The following SPINK8 variants were observed in gnomAD, a reference collection of about 807,000 sequenced individuals.
The protein encoded by SPINK8 is serine peptidase inhibitor Kazal type 8 (putative), also known as serine protease inhibitor Kazal-type 8.
A neutral mutation model predicts 14.4 loss-of-function variants in SPINK8; 12 were observed. The ratio of observed to expected loss-of-function variants is 0.83; its 90% CI spans 0.53 to 1.35. The LOEUF (loss-of-function observed/expected upper bound fraction) is 1.35. Among genes scored for constraint, SPINK8 ranks in the 40% most tolerant of loss-of-function variants. The pLI is 0.00. For synonymous variants in SPINK8, 32 were observed against 37.6 expected (o/e 0.85, Z 0.55); for missense variants, 103 against 117.0 (o/e 0.88, Z 0.55).
intron 5 of SPINK8, among the ~76,000 whole-genome samples, chr3:48,320,437 A>AGG (rs2036056672): frequency 1.3e-5 from 2 of 150,602 alleles, no homozygotes; most frequent in African/African-American, 4.9e-5. Context: ...AGTCCAAGCT[A>AGG]CTCGGGAGGC....
At chr3:48,328,162 T>G in intron 4 of SPINK8, 113 bp downstream of exon 4, 84 of 769,800 alleles carry the variant, frequency 1.1e-4, no homozygotes, top group Non-Finnish European at 1.5e-4. Flanking sequence ...ATTTGTAACA[T>G]GAGAAATTAG....
intron 2 of SPINK8, among the ~76,000 whole-genome samples, chr3:48,330,792 T>C (rs9825637): frequency 0.24 from 33,395 of 141,438 alleles, 4,635 homozygotes; most frequent in Non-Finnish European, 0.26. Flanking sequence ...GTTCACCTTC[T>C]CTAGCTAGGC....
rs758106633 is a variant in SPINK8 at position 48,306,990 on chromosome 3, G to A, written c.*2C>T. 7.4e-6 allele frequency: 12 copies of A among 1,613,190 alleles called. No individual in the cohort carries two copies. Among genetic ancestry groups the A allele is most frequent in the African/African-American group, 2.7e-5 (2 of 75,034 alleles). On this transcript the variant is annotated 3_prime_UTR_variant, in exon 8 of 8. Transcript: ENST00000434006. Reference sequence around the variant, plus strand: ...TAGGTTTTATAATTCTTTGTCGTACGTTCAAGAGTTTTCCTGCAAGAGAAG... The same window carrying A: ...TAGGTTTTATAATTCTTTGTCGTACATTCAAGAGTTTTCCTGCAAGAGAAG...
At chr3:48,326,751 AT>A (rs2036147271) in intron 4 of SPINK8, among the ~76,000 whole-genome samples, 1 of 152,112 alleles carries the variant, frequency 6.6e-6, no homozygotes, top group Admixed American at 6.6e-5. Flanking sequence ...TCTACTAAAA[AT>A]AAAAAAAATT....
chr3:48,319,505 G>A lies in SPINK8; in HGVS notation c.231C>T (p.Ser77=). The A allele has an allele frequency of 1.9e-6, 3 of 1,613,914 alleles. No individual in the cohort carries two copies. Among genetic ancestry groups the A allele is most frequent in the Non-Finnish European group, 2.5e-6 (3 of 1,179,840 alleles). ...ACAAAATTAGGACTTACAGAATTTT[G>A]GAGCACAGATGGCAGTCACTACTGT... is the stretch of plus-strand genomic sequence containing the variant. ...VTYSSDCHLC[S]KILFEGLNIT... is the part of the protein sequence containing the mutation. Residue 77 remains serine (S), a synonymous_variant, in exon 6 of 8, where the codon TCC becomes TCT. Transcript: ENST00000434006.
chr3:48,308,772 A>G (rs1415604581), intron 7 of SPINK8, among the ~76,000 whole-genome samples: 1 of 152,244 alleles, frequency 6.6e-6, no homozygotes, highest in African/African-American at 2.4e-5. Context: ...TTTGAACACC[A>G]TTCTATAGAT....
rs1484639631 is a variant in SPINK8, at chr3:48,319,493, T to C, written c.239+4A>G. The C allele has an allele frequency of 4.3e-6, 7 of 1,613,804 alleles. No individual in the cohort carries two copies. The highest frequency in any genetic ancestry group is 5.9e-6 in the Non-Finnish European group (7 of 1,179,836). Reference sequence around the variant, plus strand: ...AAGAAAGGGAGAACAAAATTAGGACTTACAGAATTTTGGAGCACAGATGGC... The same window carrying C: ...AAGAAAGGGAGAACAAAATTAGGACCTACAGAATTTTGGAGCACAGATGGC... On this transcript the variant is annotated splice_donor_region_variant and intron_variant, in intron 6 of 7. Transcript: ENST00000434006.
chr3:48,310,011 T>C, intron 6 of SPINK8, 65 bp from the exon 7 acceptor site: 2 of 1,303,370 alleles, frequency 1.5e-6, no homozygotes, highest in Non-Finnish European at 2.0e-6. Flanking sequence ...TGACTAAATT[T>C]TACTTGATAA....
At chr3:48,319,702 G>A (rs542332256) in intron 5 of SPINK8, 84 bp from the exon 6 acceptor site, 1 of 1,564,486 alleles carries the variant, frequency 6.4e-7, no homozygotes, top group African/African-American at 1.4e-5. Context: ...GGAGGTGGAT[G>A]GAATACGAGC....
intron 4 of SPINK8, among the ~76,000 whole-genome samples, chr3:48,324,470 T>A (rs2036113781): frequency 6.6e-6 from 1 of 152,156 alleles, no homozygotes; most frequent in Non-Finnish European, 1.5e-5. Flanking sequence ...CTTTTATTCA[T>A]TTTCTCTTGC....
chr3:48,311,422 A>G (rs2035923828), intron 6 of SPINK8, among the ~76,000 whole-genome samples: 1 of 152,226 alleles, frequency 6.6e-6, no homozygotes, highest in Admixed American at 6.5e-5. Context: ...AATAAAAGGC[A>G]TCCAAATTGG....
intron 5 of SPINK8, among the ~76,000 whole-genome samples, chr3:48,320,237 A>G (rs1184347888): frequency 6.6e-6 from 1 of 151,750 alleles, no homozygotes; most frequent in Non-Finnish European, 1.5e-5. Flanking sequence ...AAGTAGGGAA[A>G]TGTCTTTCCA....
intron 4 of SPINK8, among the ~76,000 whole-genome samples, chr3:48,322,004 T>C (rs963869780): frequency 6.6e-6 from 1 of 152,038 alleles, no homozygotes; most frequent in African/African-American, 2.4e-5. Context: ...TTGGTGGAGC[T>C]GAGGTCTCAC....
Position 48,319,575 on chromosome 3 carries a change from T to C in SPINK8, c.161A>G (p.Tyr54Cys), listed in dbSNP as rs1294148902. 1 of 1,613,880 alleles carries C rather than the reference T, an allele frequency of 6.2e-7. No individual in the cohort carries two copies. Residue 54 changes from tyrosine to cysteine, a missense_variant, in exon 6 of 8, where the codon TAC (tyrosine) becomes TGC (cysteine). Coordinates refer to ENST00000434006, the MANE Select transcript of SPINK8 (RefSeq NM_001080525.3). ...ACAAATAGGTTCACTGGGCTTGATGTAGGATAAAAACCAGCACTTATTTAC... is the reference window on the plus strand; with the variant it reads ...ACAAATAGGTTCACTGGGCTTGATGCAGGATAAAAACCAGCACTTATTTAC... ...KNVNKCWFLS[Y>C]IKPSEPICGS...
At chr3:48,319,325 A>C (rs1035411169) in intron 6 of SPINK8, among the ~76,000 whole-genome samples, 172 bp downstream of exon 6, 4 of 152,174 alleles carry the variant, frequency 2.6e-5, no homozygotes, top group African/African-American at 9.7e-5. Context: ...GATCACATGT[A>C]CCTTTTGAGG....
chr3:48,308,006 C>T (rs2035872741), intron 7 of SPINK8, among the ~76,000 whole-genome samples: 1 of 116,124 alleles, frequency 8.6e-6, no homozygotes, highest in Admixed American at 1.1e-4. Flanking sequence ...CGGAGTCTCA[C>T]TCTGGCGCCC....
At chr3:48,307,089 A>T in intron 7 of SPINK8, 86 bp from the exon 8 acceptor site, 1 of 1,268,902 alleles carries the variant, frequency 7.9e-7, no homozygotes, top group South Asian at 1.3e-5. Context: ...ACCATAGTTC[A>T]GCAGGGGAAA....
At chr3:48,311,714 T>C (rs902045045) in intron 6 of SPINK8, among the ~76,000 whole-genome samples, 1 of 152,050 alleles carries the variant, frequency 6.6e-6, no homozygotes, top group Non-Finnish European at 1.5e-5. Context: ...AACTACAAAA[T>C]TGAAACTGCT....
intron 5 of SPINK8, 148 bp downstream of exon 5, chr3:48,320,877 A>G (rs771296296): frequency 5.6e-6 from 4 of 715,862 alleles, no homozygotes; most frequent in Admixed American, 3.0e-5. Flanking sequence ...AATGTGCTAC[A>G]CATACTTGGT....
Sources: gnomAD v4.1 joint callset for allele counts (sites outside exome capture counted in the v4.1 genomes callset) on GRCh38, gnomAD v4.1.1 for gene constraint, MANE v1.5 for transcripts, NCBI Gene and HGNC (gene_info 2026-07-23, HGNC 2026-07-21) for gene names.